Variants in UTRN observed in about 807,000 individuals in gnomAD.
UTRN encodes the protein utrophin, also known as dystrophin-related protein 1.
Under a neutral mutation model 463.9 loss-of-function variants are expected in UTRN, and 283 were observed. The ratio of observed to expected loss-of-function variants is 0.61; its 90% confidence interval spans 0.55 to 0.67. UTRN has a LOEUF of 0.67. Among genes scored for constraint, UTRN ranks in the 30% least tolerant of loss-of-function variants. The probability of loss-of-function intolerance (pLI) is 0.00; values close to 1 mark genes in which losing one functional copy is unlikely to be tolerated. For synonymous variants in UTRN, 1,442 were observed against 1,431.5 expected (o/e 1.01, Z -0.17); for missense variants, 3,922 against 4,084.3 (o/e 0.96, Z 1.08).
chr6:144,513,725 C>A (rs561681341), intron 35 of UTRN, among the ~76,000 whole-genome samples, 184 bp from the exon 36 acceptor site: 1 of 152,116 alleles, frequency 6.6e-6, no homozygotes, highest in East Asian at 1.9e-4. Flanking sequence ...TGTTAAGCAC[C>A]ATAGATGTGC....
chr6:144,548,489 A>G lies in UTRN; in HGVS notation c.6596-151A>G, dbSNP rs1179811264. ...ACATATGGATATTACAGGTAATACC[A>G]TAGCCATTTCAGTATGAAAAAATAA... On this transcript the variant is annotated intron_variant, in intron 46 of 74. Transcript: ENST00000367545. 1.9e-5 allele frequency: 13 copies of G among 683,516 alleles called. No homozygotes were observed. In the East Asian group the frequency reaches 3.3e-4, roughly 17 times the overall value. The allele number at this position is 683,516 out of a possible 1,614,324, so 42.3% of individuals were successfully genotyped here. A position where few individuals can be genotyped will look rare whatever the true frequency, so the allele number is the denominator to read the frequency against.
rs565717968 is a variant in UTRN, at chr6:144,339,906, G to A, written c.79+47999G>A. On this transcript the variant is annotated intron_variant, in intron 2 of 74. Coordinates refer to ENST00000367545, the MANE Select transcript of UTRN (RefSeq NM_007124.3). ...TTCTAGGCCAGGCGTGGTGGCTCAC[G>A]CCTATAATCCCAGGACTTTGGGAGG... Among the ~76,000 whole-genome samples the A allele has an allele frequency of 2.7e-4, 41 of 152,274 alleles. 1 individual carries two copies. Among genetic ancestry groups the A allele is most frequent in the African/African-American group, 9.6e-4 (40 of 41,566 alleles).
At position 144,818,413 on chromosome 6, in the gene UTRN, G is replaced by A. The variant is rs375705114; in HGVS notation, c.9358-2469G>A. ...ACCTTACCCTTTCTGAGGCACACTG[G>A]GTAAGGGGCCTGATGCCTTGCCCAC... On this transcript the variant is annotated intron_variant, in intron 65 of 74. Coordinates refer to ENST00000367545, the MANE Select transcript of UTRN (RefSeq NM_007124.3). Among the ~76,000 whole-genome samples, 9 of 152,226 alleles carry A rather than the reference G, an allele frequency of 5.9e-5. No homozygotes were observed. The South Asian group carries it at 1.9e-3, about 32-fold the overall frequency.
At chr6:144,337,343 T>C (rs966543889) in intron 2 of UTRN, among the ~76,000 whole-genome samples, 1 of 152,200 alleles carries the variant, frequency 6.6e-6, no homozygotes, top group African/African-American at 2.4e-5. Context: ...CTACCTCTCT[T>C]TACCTCCTCA....
intron 12 of UTRN, 45 bp from the exon 13 acceptor site, chr6:144,440,307 A>C: frequency 6.2e-7 from 1 of 1,608,410 alleles, no homozygotes; most frequent in Non-Finnish European, 8.5e-7. Context: ...TAAATAGGTA[A>C]ATGTGAAAGT....
intron 65 of UTRN, among the ~76,000 whole-genome samples, chr6:144,807,701 A>G (rs968470040): frequency 6.6e-6 from 1 of 152,150 alleles, no homozygotes; most frequent in African/African-American, 2.4e-5. Flanking sequence ...CACTTAGTTC[A>G]GGGGCCTCTG....
chr6:144,289,150 T>C (rs1201407367), intron 1 of UTRN, among the ~76,000 whole-genome samples: 1 of 152,190 alleles, frequency 6.6e-6, no homozygotes, highest in Non-Finnish European at 1.5e-5. Flanking sequence ...CATTTCAAGC[T>C]CTGCAAATCC....
intron 62 of UTRN, among the ~76,000 whole-genome samples, chr6:144,791,550 G>A (rs1776755364): frequency 6.6e-6 from 1 of 150,510 alleles, no homozygotes; most frequent in African/African-American, 2.4e-5. Flanking sequence ...TTCCAGCCTG[G>A]ATGACAAAGC....
At position 144,416,053 on chromosome 6, in the gene UTRN, A is replaced by ATG. The variant is rs150925725; in HGVS notation, c.142-5806_142-5805dup. Among the ~76,000 whole-genome samples the ATG allele has an allele frequency of 7.9e-3, 1,160 of 147,060 alleles. 5 individuals carry two copies. The highest frequency in any genetic ancestry group is 0.023 in the African/African-American group (926 of 40,234). ...GTAGTCCGTGGATGTGTGTGTGTGT[A>ATG]TGTGTGTGTGTGTGTGTGTGGGTGT... On this transcript the variant is annotated intron_variant, in intron 3 of 74. Coordinates refer to ENST00000367545, the MANE Select transcript of UTRN (RefSeq NM_007124.3).
At chr6:144,462,567 T>C in intron 22 of UTRN, 87 bp from the exon 23 acceptor site, 5 of 1,264,382 alleles carry the variant, frequency 4.0e-6, no homozygotes, top group Non-Finnish European at 5.4e-6. Flanking sequence ...CATTTTAAAG[T>C]GACTTTTGAC....
In UTRN at chr6:144,422,583, A is replaced by G. The variant is rs1043821938; in HGVS notation, c.234+613A>G. 2.6e-5 allele frequency among the ~76,000 whole-genome samples: 4 copies of G among 151,810 alleles called. No homozygotes were observed. The East Asian group carries it at 5.8e-4, about 22-fold the overall frequency. On this transcript the variant is annotated intron_variant, in intron 4 of 74. Coordinates refer to ENST00000367545, the MANE Select transcript of UTRN (RefSeq NM_007124.3). ...CAGTGAGCCGAGATTGCGCCACTGC[A>G]CTCCAGCCTGGGCAACAGAGTGAGA... is the stretch of plus-strand genomic sequence containing the variant.
chr6:144,399,918 G>A (rs1489528323), intron 2 of UTRN, among the ~76,000 whole-genome samples: 1 of 152,168 alleles, frequency 6.6e-6, no homozygotes, highest in Non-Finnish European at 1.5e-5. Flanking sequence ...AGGCTAGGCA[G>A]CAGTGAAGGC....
chr6:144,793,851 G>T lies in UTRN; in HGVS notation c.8938G>T (p.Ala2980Ser). 1 of 1,614,040 alleles carries T rather than the reference G, an allele frequency of 6.2e-7. No individual in the cohort carries two copies. Among genetic ancestry groups the T allele is most frequent in the Non-Finnish European group, 8.5e-7 (1 of 1,179,946 alleles). ...CTTTGCAGATCTCTTTAAGGAAGTT[G>T]CAGGGCCAACAGAAATGTGTGACCA... is the stretch of plus-strand genomic sequence containing the variant. ...EKYRYLFKEV[A>S]GPTEMCDQRQ... The change falls in exon 63 of 75, where the codon GCA (alanine) becomes TCA (serine). Residue 2980 changes from alanine to serine, a missense_variant. This residue lies in a region of UTRN where 1,309 missense variants were observed against 1,452.6 expected (regional missense o/e 0.90). Transcript: ENST00000367545.
chr6:144,531,168 G>A lies in UTRN; in HGVS notation c.6023G>A (p.Ser2008Asn), dbSNP rs1212633865. ...LLVDTCAPGG[S>N]LDLEKARIHQ... The stretch of plus-strand genomic sequence containing the variant: ...GTTGATACCTGTGCTCCAGGTGGCA[G>A]CCTGGACTTAGAGAAAGCCAGGATA... Residue 2008 changes from serine to asparagine, a missense_variant, in exon 42 of 75, where the codon AGC becomes AAC. Ser to Asn is a conservative substitution (Grantham distance 46). Around this residue, in one of 3 missense-constraint regions of UTRN, gnomAD observed 2,349 missense variants for 2,303.8 expected, o/e 1.02. Transcript: ENST00000367545. 6.2e-7 allele frequency: 1 copy of A among 1,613,830 alleles called. No homozygotes were observed. The highest frequency in any genetic ancestry group is 1.3e-5 in the African/African-American group (1 of 74,908).
Position 144,827,613 on chromosome 6 carries a change from C to T in UTRN, c.9536C>T (p.Pro3179Leu). Reference protein sequence around the residue: ...LISMWPEHYDPSQSPQLFHDD... With the variant: ...LISMWPEHYDLSQSPQLFHDD... ...TGCTTTGTTTTTTTCTTTTAAAGCCCCTCACAATCTCCTCAACTGTTTCAT... is the reference window on the plus strand; with the variant it reads ...TGCTTTGTTTTTTTCTTTTAAAGCCTCTCACAATCTCCTCAACTGTTTCAT... The change falls in exon 68 of 75, where the codon CCC (proline) becomes CTC (leucine). Residue 3179 changes from proline to leucine, a missense_variant and splice_region_variant. Coordinates refer to ENST00000367545, the MANE Select transcript of UTRN (RefSeq NM_007124.3). 1 of 1,613,210 alleles carries T rather than the reference C, an allele frequency of 6.2e-7. No individual in the cohort carries two copies. Among genetic ancestry groups the T allele is most frequent in the Non-Finnish European group, 8.5e-7 (1 of 1,179,646 alleles).
chr6:144,442,181 T>C (rs1787248019), intron 13 of UTRN, among the ~76,000 whole-genome samples: 1 of 152,240 alleles, frequency 6.6e-6, no homozygotes, highest in South Asian at 2.1e-4. Flanking sequence ...TGAGATTTTC[T>C]TTTCTATTGC....
chr6:144,753,315 G>A (rs1196698368), intron 56 of UTRN, among the ~76,000 whole-genome samples: 1 of 152,104 alleles, frequency 6.6e-6, no homozygotes, highest in Non-Finnish European at 1.5e-5. Flanking sequence ...ACTAACTATA[G>A]AATGTGTATT....
chr6:144,630,242 T>C (rs1776370915), intron 51 of UTRN, among the ~76,000 whole-genome samples: 1 of 152,102 alleles, frequency 6.6e-6, no homozygotes, highest in African/African-American at 2.4e-5. Context: ...TAAGCATATA[T>C]ATTATAGGAA....
chr6:144,815,813 C>T (rs947175584), intron 65 of UTRN, among the ~76,000 whole-genome samples: 11 of 152,218 alleles, frequency 7.2e-5, no homozygotes, highest in African/African-American at 1.4e-4. Flanking sequence ...GCAACACCCT[C>T]ACAGACACAC....
Sources: allele counts gnomAD v4.1 joint callset (sites outside exome capture counted in the v4.1 genomes callset), GRCh38; gene constraint gnomAD v4.1.1; regional missense constraint gnomAD v4.1.1; transcripts MANE v1.5; gene names NCBI Gene and HGNC (gene_info 2026-07-23, HGNC 2026-07-21).